SMC5: variants seen among roughly 807,000 people sequenced by gnomAD.
SMC5 encodes the protein structural maintenance of chromosomes protein 5.
A neutral mutation model predicts 148.3 loss-of-function variants in SMC5; 88 were observed. That is an observed-to-expected ratio of 0.59 (90% CI 0.50 to 0.71). The LOEUF (loss-of-function observed/expected upper bound fraction) is 0.71, where lower values mean the gene tolerates loss of function less well. Among genes scored for constraint, SMC5 ranks in the 30% least tolerant of loss-of-function variants. The pLI, the probability that SMC5 is intolerant of heterozygous loss-of-function variation, is 0.00. For synonymous variants in SMC5, 421 were observed against 432.8 expected (o/e 0.97, Z 0.34); for missense variants, 1,142 against 1,298.9 (o/e 0.88, Z 1.86).
At chr9:70,342,427 C>T (rs1304179131) in intron 17 of SMC5, among the ~76,000 whole-genome samples, 1 of 151,872 alleles carries the variant, frequency 6.6e-6, no homozygotes, top group Non-Finnish European at 1.5e-5. Context: ...TACAGGTGTC[C>T]AGACCTCAGC....
intron 11 of SMC5, among the ~76,000 whole-genome samples, chr9:70,314,490 A>G (rs2035743887): frequency 6.6e-6 from 1 of 152,074 alleles, no homozygotes; most frequent in South Asian, 2.1e-4. Context: ...ATCATTTTGA[A>G]GTAATTCCCA....
chr9:70,324,291 A>G, intron 17 of SMC5, 148 bp downstream of exon 17: 2 of 717,664 alleles, frequency 2.8e-6, no homozygotes, highest in East Asian at 3.1e-5. Flanking sequence ...TGAGGAAGTA[A>G]TACTTAAAAT....
intron 10 of SMC5, among the ~76,000 whole-genome samples, chr9:70,303,527 T>A (rs2035418106): frequency 6.6e-6 from 1 of 152,224 alleles, no homozygotes; most frequent in Admixed American, 6.5e-5. Flanking sequence ...AATTTTTGTG[T>A]GTAACTGTTT....
At chr9:70,299,905 C>T in intron 9 of SMC5, 141 bp from the exon 10 acceptor site, 6 of 571,450 alleles carry the variant, frequency 1.0e-5, no homozygotes. Flanking sequence ...GTTCAGGTCA[C>T]ATATTTTCCA....
chr9:70,347,379 T>C lies in SMC5; in HGVS notation c.2664+218T>C, dbSNP rs377592772. The stretch of plus-strand genomic sequence containing the variant: ...AGATTCTTCCTAAGGAACACAATGT[T>C]CTGTGCCTTTTCTTTATAAAAAGAA... On this transcript the variant is annotated intron_variant, in intron 20 of 24. Transcript: ENST00000361138. Among the ~76,000 whole-genome samples the C allele has an allele frequency of 4.6e-5, 7 of 152,334 alleles. No homozygotes were observed. In the East Asian group the frequency reaches 1.2e-3, roughly 25 times the overall value.
intron 11 of SMC5, among the ~76,000 whole-genome samples, chr9:70,308,813 A>G (rs1351118963): frequency 3.3e-5 from 5 of 152,062 alleles, no homozygotes; most frequent in Middle Eastern, 3.2e-3. Flanking sequence ...CTGGTTGTAC[A>G]TTGCTAGTAC....
chr9:70,303,181 C>T (rs2035403701), intron 10 of SMC5, among the ~76,000 whole-genome samples: 1 of 151,700 alleles, frequency 6.6e-6, no homozygotes, highest in African/African-American at 2.4e-5. Context: ...GAGCCGTGAT[C>T]ACACCACTGC....
At chr9:70,265,206 G>A (rs956908172) in intron 2 of SMC5, among the ~76,000 whole-genome samples, 7 of 152,142 alleles carry the variant, frequency 4.6e-5, no homozygotes, top group African/African-American at 1.4e-4. Context: ...GCTGGGTGCG[G>A]TAGCTCATGC....
intron 17 of SMC5, among the ~76,000 whole-genome samples, chr9:70,340,892 A>AT (rs2036503691): frequency 6.6e-6 from 1 of 152,004 alleles, no homozygotes; most frequent in South Asian, 2.1e-4. Flanking sequence ...ATACTTACAA[A>AT]TTTTTTCTAG....
chr9:70,315,703 A>G, intron 13 of SMC5, 125 bp downstream of exon 13: 1 of 671,906 alleles, frequency 1.5e-6, no homozygotes, highest in East Asian at 3.2e-5. Context: ...AACCATGCAG[A>G]AATTATATTT....
chr9:70,342,350 T>C (rs2036551371), intron 17 of SMC5, among the ~76,000 whole-genome samples: 1 of 151,786 alleles, frequency 6.6e-6, no homozygotes, highest in South Asian at 2.1e-4. Flanking sequence ...GTAACTAACC[T>C]GCACATTGTG....
chr9:70,295,787 T>C (rs1332509545), intron 8 of SMC5, among the ~76,000 whole-genome samples: 1 of 152,158 alleles, frequency 6.6e-6, no homozygotes, highest in Non-Finnish European at 1.5e-5. Context: ...GCCAGTGATT[T>C]TCAGTAGTTT....
chr9:70,270,642 ATTTTTTTTTTTTT>A (rs71364589), intron 3 of SMC5, among the ~76,000 whole-genome samples: 2 of 103,810 alleles, frequency 1.9e-5, no homozygotes, highest in African/African-American at 7.6e-5. Flanking sequence ...AGACTAAATA[ATTTTTTTTTTTTT>A]TTTTTTTTTT....
chr9:70,271,544 GA>G (rs964518323), intron 3 of SMC5, among the ~76,000 whole-genome samples: 6 of 152,300 alleles, frequency 3.9e-5, no homozygotes, highest in African/African-American at 1.4e-4. Context: ...ATACATTGGG[GA>G]TACTCTTCCC....
intron 17 of SMC5, among the ~76,000 whole-genome samples, chr9:70,337,824 G>A (rs1046103668): frequency 6.7e-6 from 1 of 149,288 alleles, no homozygotes. Flanking sequence ...TGGGGAGAGG[G>A]TTTTGTTTTT....
chr9:70,260,560 G>C (rs916443546), intron 1 of SMC5, among the ~76,000 whole-genome samples: 16 of 151,836 alleles, frequency 1.1e-4, no homozygotes, highest in African/African-American at 3.6e-4. Flanking sequence ...TTCCATTGCT[G>C]AAAGAAGCTC....
chr9:70,261,593 T>A (rs1292818521), intron 1 of SMC5, among the ~76,000 whole-genome samples: 1 of 152,216 alleles, frequency 6.6e-6, no homozygotes, highest in Non-Finnish European at 1.5e-5. Flanking sequence ...ATAGGCAGAA[T>A]GTAGGAGTCT....
chr9:70,262,434 T>C (rs1008014561), intron 1 of SMC5, among the ~76,000 whole-genome samples: 1 of 152,156 alleles, frequency 6.6e-6, no homozygotes, highest in African/African-American at 2.4e-5. Flanking sequence ...TGGTGATTGA[T>C]TGGATGATGG....
chr9:70,335,554 A>T (rs2036334697), intron 17 of SMC5, among the ~76,000 whole-genome samples: 1 of 152,212 alleles, frequency 6.6e-6, no homozygotes, highest in South Asian at 2.1e-4. Flanking sequence ...TAAACAAATT[A>T]TGGTATGTGG....
Sources: gnomAD v4.1 joint callset for allele counts (sites outside exome capture counted in the v4.1 genomes callset) on GRCh38, gnomAD v4.1.1 for gene constraint, MANE v1.5 for transcripts, NCBI Gene and HGNC (gene_info 2026-07-23, HGNC 2026-07-21) for gene names.